The following PRDM11 variants were observed in gnomAD, a reference collection of about 807,000 sequenced individuals.
The protein encoded by PRDM11 is PR domain-containing protein 11.
In PRDM11, 20 loss-of-function variants were observed where a neutral mutation model predicts 97.8. The ratio of observed to expected loss-of-function variants is 0.20; its 90% CI spans 0.14 to 0.30. The LOEUF is 0.30. Ranked by LOEUF, PRDM11 falls within the 10% of genes least tolerant of loss-of-function variation. The probability of loss-of-function intolerance (pLI) is 1.00; values close to 1 mark genes in which losing one functional copy is unlikely to be tolerated. For missense variants in PRDM11, 1,139 were observed against 1,555.2 expected, an observed-to-expected ratio of 0.73 and a Z score of 4.50; for synonymous variants, 599 against 637.7, an observed-to-expected ratio of 0.94 and a Z score of 0.91.
At chr11:45,178,732 A>C (rs1852392193) in intron 1 of PRDM11, among the ~76,000 whole-genome samples, 1 of 152,212 alleles carries the variant, frequency 6.6e-6, no homozygotes, top group East Asian at 1.9e-4. Context: ...CAAAATTGAA[A>C]GAGGTTCTCA....
chr11:45,145,357 C>T (rs1851483035), upstream of PRDM11, among the ~76,000 whole-genome samples: 1 of 152,216 alleles, frequency 6.6e-6, no homozygotes, highest in African/African-American at 2.4e-5. Flanking sequence ...ATCACCCCCA[C>T]CGCCTCCAGC....
At chr11:45,127,896 T>C (rs1337369083) in intron 1 of PRDM11, among the ~76,000 whole-genome samples, 1 of 152,208 alleles carries the variant, frequency 6.6e-6, no homozygotes, top group Non-Finnish European at 1.5e-5. Context: ...ATAGGGACGT[T>C]TAAGTCTGTA....
chr11:45,121,004 T>G (rs917844218), intron 1 of PRDM11, among the ~76,000 whole-genome samples: 1 of 152,064 alleles, frequency 6.6e-6, no homozygotes, highest in African/African-American at 2.4e-5. Flanking sequence ...AGGGATGCAG[T>G]TTAGATCCAC....
chr11:45,225,958 C>G lies in PRDM11; in HGVS notation c.1370-37C>G, dbSNP rs1445831477. On this transcript the variant is annotated intron_variant, in intron 7 of 7. Coordinates refer to ENST00000683152, the MANE Select transcript of PRDM11 (RefSeq NM_001384648.1). ...GATTTTGGAAAAGCCTGTTTTCTCC[C>G]CCAGGTATAAATGTTTCTTTCCCAT... 6.2e-6 allele frequency: 9 copies of G among 1,449,146 alleles called. No individual in the cohort carries two copies. In the African/African-American group the frequency reaches 1.3e-4, roughly 21 times the overall value. The allele number at this position is 1,449,146 out of a possible 1,614,324, so 89.8% of individuals were successfully genotyped here. A position where few individuals can be genotyped will look rare whatever the true frequency, so the allele number is the denominator to read the frequency against.
In PRDM11 at chr11:45,224,612, G is replaced by T; in HGVS notation, c.1138G>T (p.Asp380Tyr). 6.2e-7 allele frequency: 1 copy of T among 1,614,172 alleles called. No homozygotes were observed. Among genetic ancestry groups the T allele is most frequent in the Non-Finnish European group, 8.5e-7 (1 of 1,180,014 alleles). Residue 380 changes from aspartate (D) to tyrosine (Y), a missense_variant, in exon 7 of 8, where the codon GAT becomes TAT. By Grantham distance (160) the Asp-to-Tyr change is radical. Transcript: ENST00000683152. ...GVSKEPGQLEDEEEEPSSFKA... is the reference protein window; with the variant it reads ...GVSKEPGQLEYEEEEPSSFKA... ...CTCCAAGGAGCCAGGCCAATTGGAGGATGAAGAAGAGGAGCCTTCATCATT... is the reference window on the plus strand; with the variant it reads ...CTCCAAGGAGCCAGGCCAATTGGAGTATGAAGAAGAGGAGCCTTCATCATT...
intron 1 of PRDM11, among the ~76,000 whole-genome samples, chr11:45,171,958 C>G (rs1189967198): frequency 6.6e-6 from 1 of 152,184 alleles, no homozygotes; most frequent in Non-Finnish European, 1.5e-5. Context: ...GCAGACCCCA[C>G]AAGATAAGAG....
At chr11:45,141,405 G>A (rs1024678009) in intron 1 of PRDM11, among the ~76,000 whole-genome samples, 28 of 152,204 alleles carry the variant, frequency 1.8e-4, no homozygotes, top group Non-Finnish European at 4.0e-4. Flanking sequence ...ATAAAGGGCT[G>A]TGGCTTTCCT....
intron 1 of PRDM11, among the ~76,000 whole-genome samples, chr11:45,138,071 C>T (rs1852910388): frequency 1.3e-5 from 2 of 152,184 alleles, no homozygotes; most frequent in Non-Finnish European, 2.9e-5. Context: ...TGAATCCCAA[C>T]CACCTGGGTG....
At chr11:45,216,619 G>T (rs903932960) in intron 5 of PRDM11, among the ~76,000 whole-genome samples, 1 of 152,166 alleles carries the variant, frequency 6.6e-6, no homozygotes, top group African/African-American at 2.4e-5. Context: ...TCAGGGGAAT[G>T]GGTTGTGATT....
At position 45,219,713 on chromosome 11, in the gene PRDM11, T is replaced by C; in HGVS notation, c.698T>C (p.Leu233Pro). The C allele has an allele frequency of 2.5e-6, 4 of 1,614,004 alleles. No individual in the cohort carries two copies. Among genetic ancestry groups the C allele is most frequent in the South Asian group, 2.2e-5 (2 of 91,074 alleles). The change falls in exon 6 of 8, where the codon CTG becomes CCG. Residue 233 changes from leucine to proline, a missense_variant. This residue lies in a region of PRDM11 where 429 missense variants were observed against 510.3 expected (regional missense o/e 0.84). Transcript: ENST00000683152. The surrounding 1 kb of genome is among the most constrained non-coding windows in gnomAD (Gnocchi z 4.2). Reference protein sequence around the residue: ...VWYSEDYMKRLHSMSQETIHR... With the variant: ...VWYSEDYMKRPHSMSQETIHR... ...TACAGCGAGGACTACATGAAGCGCC[T>C]GCACAGCATGTCCCAGGAAACCATT... is the stretch of plus-strand genomic sequence containing the variant.
chr11:45,095,818 G>T (rs1851881013), exon 1 of PRDM11: 3 of 770,414 alleles, frequency 3.9e-6, no homozygotes, highest in Non-Finnish European at 7.3e-6. Flanking sequence ...GTTGAAGATG[G>T]CAGAGCCAAT....
At chr11:45,134,723 A>AAAAAAAAAAAAAAAAAAAAAAAC in intron 1 of PRDM11, among the ~76,000 whole-genome samples, 1 of 147,564 alleles carries the variant, frequency 6.8e-6, no homozygotes, top group African/African-American at 2.5e-5. Context: ...AAAAAAAAAA[A>AAAAAAAAAAAAAAAAAAAAAAAC]AAAGAATAGT....
intron 1 of PRDM11, among the ~76,000 whole-genome samples, chr11:45,170,464 A>C (rs1392706345): frequency 6.6e-6 from 1 of 152,236 alleles, no homozygotes; most frequent in Non-Finnish European, 1.5e-5. Context: ...GTAGGGGAGC[A>C]AGCCACATGG....
At chr11:45,215,855 C>G (rs997402656) in intron 5 of PRDM11, 2 of 152,372 alleles carry the variant, frequency 1.3e-5, no homozygotes, top group African/African-American at 2.4e-5. Context: ...GTTCTGCCTC[C>G]TTAACTGGGG....
chr11:45,167,359 G>A (rs765949143), intron 1 of PRDM11, among the ~76,000 whole-genome samples: 8 of 152,130 alleles, frequency 5.3e-5, no homozygotes, highest in Non-Finnish European at 1.2e-4. Flanking sequence ...GTCACATAGT[G>A]TAGGTGCTAA....
intron 1 of PRDM11, among the ~76,000 whole-genome samples, chr11:45,102,444 T>C (rs1018511770): frequency 6.6e-6 from 1 of 152,180 alleles, no homozygotes; most frequent in African/African-American, 2.4e-5. Context: ...AGTTCAGCCT[T>C]GCAGCACTCC....
chr11:45,224,584 G>A lies in PRDM11; in HGVS notation c.1110G>A (p.Gly370=). ...AGGGGGACTGGAAGGTCCCCCAGGG[G>A]GTCTCCAAGGAGCCAGGCCAATTGG... ...QGEGDWKVPQ[G]VSKEPGQLED... is the part of the protein sequence containing the mutation. The change falls in exon 7 of 8, where the codon GGG becomes GGA. Residue 370 remains glycine, a synonymous_variant. Transcript: ENST00000683152. 1 of 1,614,010 alleles carries A rather than the reference G, an allele frequency of 6.2e-7. No individual in the cohort carries two copies. Among genetic ancestry groups the A allele is most frequent in the South Asian group, 1.1e-5 (1 of 91,072 alleles).
intron 1 of PRDM11, among the ~76,000 whole-genome samples, chr11:45,132,970 C>T (rs1337560178): frequency 6.6e-6 from 1 of 152,176 alleles, no homozygotes; most frequent in Non-Finnish European, 1.5e-5. Context: ...GAATGTGCCA[C>T]ACATACCCCA....
Position 45,224,559 on chromosome 11 carries a change from A to C in PRDM11, c.1085A>C (p.Glu362Ala), listed in dbSNP as rs759451606. The C allele has an allele frequency of 2.5e-6, 4 of 1,613,684 alleles. No individual in the cohort carries two copies. In the African/African-American group the frequency reaches 5.3e-5, roughly 22 times the overall value. Residue 362 changes from glutamate (E) to alanine (A), a missense_variant, in exon 7 of 8, where the codon GAG becomes GCG. Around this residue, in one of 2 missense-constraint regions of PRDM11, gnomAD observed 429 missense variants for 510.3 expected, o/e 0.84. Transcript: ENST00000683152. ...CAGAATATAGGCCAGACCCAGGGGGAGGGGGACTGGAAGGTCCCCCAGGGG... is the reference window on the plus strand; with the variant it reads ...CAGAATATAGGCCAGACCCAGGGGGCGGGGGACTGGAAGGTCCCCCAGGGG... ...GVQNIGQTQG[E>A]GDWKVPQGVS...
Sources: allele counts gnomAD v4.1 joint callset (sites outside exome capture counted in the v4.1 genomes callset), GRCh38; gene constraint gnomAD v4.1.1; regional missense constraint gnomAD v4.1.1; non-coding constraint Gnocchi (gnomAD v3.1); transcripts MANE v1.5; gene names NCBI Gene and HGNC (gene_info 2026-07-23, HGNC 2026-07-21).